The following CSTPP1 variants were observed in gnomAD, a reference collection of about 807,000 sequenced individuals.
CSTPP1 encodes UPF0705 protein C11orf49.
chr11:47,087,912 T>A, the CSTPP1 span, among the ~76,000 whole-genome samples: 36,670 of 152,012 alleles, frequency 0.24, 5,173 homozygotes, highest in East Asian at 0.65. Context: ...TGATTGGGAC[T>A]GCAGTCATCT....
the CSTPP1 span, chr11:47,164,173 A>G: frequency 6.2e-7 from 1 of 1,613,928 alleles, no homozygotes; most frequent in Non-Finnish European, 8.5e-7. Flanking sequence ...CAGAGAAGAG[A>G]GAAGCAGGAG....
the CSTPP1 span, among the ~76,000 whole-genome samples, chr11:46,951,321 A>G: frequency 1.4e-5 from 2 of 147,060 alleles, no homozygotes; most frequent in Admixed American, 1.3e-4. Context: ...TTTTGAGACA[A>G]GGTCTCACTC....
chr11:46,950,180 T>TC, the CSTPP1 span, among the ~76,000 whole-genome samples: 1 of 150,756 alleles, frequency 6.6e-6, no homozygotes, highest in African/African-American at 2.4e-5. Flanking sequence ...TCTTTTCTTT[T>TC]TTTTTTTTTT....
chr11:46,960,923 A>G, the CSTPP1 span, among the ~76,000 whole-genome samples: 5 of 152,122 alleles, frequency 3.3e-5, no homozygotes, highest in Non-Finnish European at 4.4e-5. Flanking sequence ...TGTTGTGGCT[A>G]AATAATGTTT....
At chr11:46,940,776 T>A in the CSTPP1 span, among the ~76,000 whole-genome samples, 1 of 152,210 alleles carries the variant, frequency 6.6e-6, no homozygotes, top group Non-Finnish European at 1.5e-5. Context: ...AGTATCAATG[T>A]CAAGCAATGC....
chr11:47,029,949 AAAAG>A, the CSTPP1 span, among the ~76,000 whole-genome samples: 48 of 151,644 alleles, frequency 3.2e-4, no homozygotes, highest in Non-Finnish European at 2.5e-4. Flanking sequence ...AAAAAAAAAA[AAAAG>A]AAAGAAAGGA....
the CSTPP1 span, among the ~76,000 whole-genome samples, chr11:47,108,465 G>A: frequency 6.6e-6 from 1 of 152,138 alleles, no homozygotes; most frequent in Non-Finnish European, 1.5e-5. Context: ...GATCCCAAAA[G>A]GCAGTCACCA....
At chr11:46,978,417 A>C in the CSTPP1 span, among the ~76,000 whole-genome samples, 1 of 152,228 alleles carries the variant, frequency 6.6e-6, no homozygotes, top group Non-Finnish European at 1.5e-5. Flanking sequence ...AAAAGTGATG[A>C]GTCAAAAATT....
At chr11:47,028,993 A>G in the CSTPP1 span, among the ~76,000 whole-genome samples, 1 of 151,098 alleles carries the variant, frequency 6.6e-6, no homozygotes, top group South Asian at 2.1e-4. Flanking sequence ...GCAGGCCACC[A>G]TGCCCAGCTA....
chr11:47,140,514 G>A, the CSTPP1 span, among the ~76,000 whole-genome samples: 4 of 152,000 alleles, frequency 2.6e-5, no homozygotes, highest in Non-Finnish European at 4.4e-5. Context: ...CCTTCACCCC[G>A]CCTCTCCCTG....
chr11:47,068,517 G>A, the CSTPP1 span, among the ~76,000 whole-genome samples: 1 of 152,110 alleles, frequency 6.6e-6, no homozygotes, highest in African/African-American at 2.4e-5. Flanking sequence ...GGGTGACAGA[G>A]CAAGACTCCA....
At chr11:47,125,219 G>A in the CSTPP1 span, among the ~76,000 whole-genome samples, 3 of 152,184 alleles carry the variant, frequency 2.0e-5, no homozygotes, top group African/African-American at 7.2e-5. Context: ...TCTATATCCA[G>A]TCTTCTTTCT....
the CSTPP1 span, among the ~76,000 whole-genome samples, chr11:47,013,061 CAT>C: frequency 1.2e-3 from 171 of 145,726 alleles, 2 homozygotes; most frequent in South Asian, 0.018. Context: ...TAAATAATAA[CAT>C]ATATATTTTA....
At chr11:46,937,121 G>T in the CSTPP1 span, among the ~76,000 whole-genome samples, 1 of 152,208 alleles carries the variant, frequency 6.6e-6, no homozygotes, top group African/African-American at 2.4e-5. Flanking sequence ...AGGATTTGGG[G>T]CCCTGTTGGG....
the CSTPP1 span, among the ~76,000 whole-genome samples, chr11:47,126,016 C>CA: frequency 3.1e-3 from 333 of 108,732 alleles, no homozygotes; most frequent in Middle Eastern, 0.01. Context: ...GACTCTGTCT[C>CA]AAAAAAAAAA....
At chr11:47,126,484 C>G in the CSTPP1 span, among the ~76,000 whole-genome samples, 29 of 152,246 alleles carry the variant, frequency 1.9e-4, no homozygotes, top group Admixed American at 1.7e-3. Flanking sequence ...AAAAAATTAG[C>G]CAGGCATGAT....
chr11:46,983,183 T>A, the CSTPP1 span, among the ~76,000 whole-genome samples: 1 of 152,204 alleles, frequency 6.6e-6, no homozygotes, highest in African/African-American at 2.4e-5. Flanking sequence ...ATTCTTAGAA[T>A]CATACCCATT....
chr11:47,086,254 A>AAAAAAAAAAAG, the CSTPP1 span, among the ~76,000 whole-genome samples: 2 of 147,446 alleles, frequency 1.4e-5, no homozygotes, highest in African/African-American at 5.0e-5. Context: ...AAAAAAAAAA[A>AAAAAAAAAAAG]AAATAGCTGG....
At chr11:47,154,813 TTAAGTA>T in the CSTPP1 span, 1 of 325,884 alleles carries the variant, frequency 3.1e-6, no homozygotes, top group South Asian at 5.4e-5. Context: ...GATTTACTGC[TTAAGTA>T]TATGAAAAGA....
Sources: allele counts gnomAD v4.1 joint callset (sites outside exome capture counted in the v4.1 genomes callset), GRCh38; gene constraint gnomAD v4.1.1; transcripts MANE v1.5; gene names NCBI Gene and HGNC (gene_info 2026-07-23, HGNC 2026-07-21).